The following FBN1 variants were observed in gnomAD, a reference collection of about 807,000 sequenced individuals.
The protein encoded by FBN1 is fibrillin-1.
In FBN1, 29 loss-of-function variants were observed where a neutral mutation model predicts 365.1. That is an observed-to-expected ratio of 0.08 (90% CI 0.06 to 0.11). FBN1 has a LOEUF of 0.11. Ranked by LOEUF, FBN1 falls within the 10% of genes least tolerant of loss-of-function variation. The pLI, the probability that FBN1 is intolerant of heterozygous loss-of-function variation, is 1.00. For missense variants in FBN1, 2,476 were observed against 3,703.2 expected (o/e 0.67, Z 8.60); for synonymous variants, 1,210 against 1,270.5 (o/e 0.95, Z 1.01).
At chr15:48,463,391 C>T (rs2043296125) in intron 41 of FBN1, 151 bp from the exon 42 acceptor site, 1 of 774,014 alleles carries the variant, frequency 1.3e-6, no homozygotes, top group African/African-American at 1.7e-5. Context: ...TGCTCTTACA[C>T]AACTTTCTAG....
intron 6 of FBN1, among the ~76,000 whole-genome samples, chr15:48,541,130 CT>C (rs764590336): frequency 6.6e-6 from 1 of 151,692 alleles, no homozygotes; most frequent in African/African-American, 2.4e-5. Context: ...CCCCTTAAGA[CT>C]TTTCCAGGGT....
intron 31 of FBN1, among the ~76,000 whole-genome samples, chr15:48,483,555 A>T (rs2043482655): frequency 6.6e-6 from 1 of 152,220 alleles, no homozygotes; most frequent in South Asian, 2.1e-4. Context: ...AGTGGACAAA[A>T]GTAATGGATA....
chr15:48,488,877 A>G (rs555150377), intron 25 of FBN1, among the ~76,000 whole-genome samples: 2 of 152,314 alleles, frequency 1.3e-5, no homozygotes, highest in African/African-American at 4.8e-5. Context: ...ACAGCTATCA[A>G]TTGACTGTGT....
At chr15:48,456,607 T>C in intron 44 of FBN1, 30 bp downstream of exon 44, 1 of 1,611,642 alleles carries the variant, frequency 6.2e-7, no homozygotes, top group African/African-American at 1.3e-5. Context: ...AGCTCTTTTC[T>C]GGATATGATA....
At chr15:48,524,559 T>C (rs1008849075) in intron 9 of FBN1, among the ~76,000 whole-genome samples, 1 of 152,152 alleles carries the variant, frequency 6.6e-6, no homozygotes, top group Non-Finnish European at 1.5e-5. Context: ...TGTCTAATTA[T>C]GGGCACAACA....
intron 2 of FBN1, among the ~76,000 whole-genome samples, chr15:48,613,883 G>A (rs368749587): frequency 4.6e-5 from 7 of 152,098 alleles, no homozygotes; most frequent in African/African-American, 1.7e-4. Context: ...AGCTGACATC[G>A]CACCACTGCA....
At chr15:48,444,385 T>G (rs983738101) in intron 49 of FBN1, among the ~76,000 whole-genome samples, 156 bp downstream of exon 49, 5 of 152,226 alleles carry the variant, frequency 3.3e-5, no homozygotes, top group Non-Finnish European at 5.9e-5. Context: ...GTGCTTCTTG[T>G]CTTGCCAGAA....
chr15:48,450,990 C>T (rs764129948), intron 45 of FBN1, among the ~76,000 whole-genome samples: 1 of 152,216 alleles, frequency 6.6e-6, no homozygotes, highest in Non-Finnish European at 1.5e-5. Flanking sequence ...CAAGTTAATT[C>T]CCTTTCTTCT....
At chr15:48,535,873 T>C (rs932879756) in intron 7 of FBN1, among the ~76,000 whole-genome samples, 1 of 152,226 alleles carries the variant, frequency 6.6e-6, no homozygotes, top group Non-Finnish European at 1.5e-5. Flanking sequence ...AATGTATTTT[T>C]TAAAATGTTT....
chr15:48,432,230 T>G (rs1597521820), intron 55 of FBN1, among the ~76,000 whole-genome samples: 1 of 152,266 alleles, frequency 6.6e-6, no homozygotes, highest in East Asian at 1.9e-4. Context: ...TCCCCACCCT[T>G]AAGCAAAATT....
At chr15:48,507,744 TA>T (rs1311525694) in intron 15 of FBN1, among the ~76,000 whole-genome samples, 20 of 152,330 alleles carry the variant, frequency 1.3e-4, no homozygotes, top group African/African-American at 4.8e-4. Context: ...CATCTGAAAC[TA>T]TGCCCAGAAG....
intron 6 of FBN1, among the ~76,000 whole-genome samples, chr15:48,546,437 C>T (rs187421298): frequency 9.2e-5 from 14 of 152,258 alleles, no homozygotes; most frequent in East Asian, 1.9e-4. Flanking sequence ...AACATCTAAG[C>T]GCTTTCTAAG....
In FBN1 at chr15:48,530,075, G is replaced by A. The variant is rs199633759; in HGVS notation, c.863-3820C>T. Among the ~76,000 whole-genome samples, 449 of 72,712 alleles carry A rather than the reference G, an allele frequency of 6.2e-3. 35 individuals are homozygous for A. The East Asian group carries it at 0.1, about 17-fold the overall frequency. 47.7% of individuals were successfully genotyped at this position (72,712 alleles called of 152,430 possible). On this transcript the variant is annotated intron_variant, in intron 8 of 65. Transcript: ENST00000316623. ...AATTCTTATCCATGCTGCATCCGCC[G>A]CCCGATCACAACTTGAAAATGGAGT...
intron 30 of FBN1, among the ~76,000 whole-genome samples, chr15:48,484,420 G>A (rs994753551): frequency 1.3e-5 from 2 of 150,464 alleles, no homozygotes; most frequent in Admixed American, 1.3e-4. Context: ...TCACCAGGCT[G>A]GAGTGCAATG....
At chr15:48,425,249 A>AT in intron 60 of FBN1, 120 bp downstream of exon 60, 1 of 1,361,480 alleles carries the variant, frequency 7.3e-7, no homozygotes, top group East Asian at 2.3e-5. Flanking sequence ...CATTAACCCC[A>AT]GGGAAGCACC....
intron 6 of FBN1, among the ~76,000 whole-genome samples, chr15:48,563,646 C>T (rs929480414): frequency 5.9e-5 from 9 of 152,098 alleles, no homozygotes; most frequent in East Asian, 1.9e-4. Flanking sequence ...TGCAAACGGG[C>T]GCTCCCCATG....
At chr15:48,623,046 C>T (rs1318472982) in intron 2 of FBN1, among the ~76,000 whole-genome samples, 1 of 152,124 alleles carries the variant, frequency 6.6e-6, no homozygotes, top group African/African-American at 2.4e-5. Context: ...TGAAGCCCAA[C>T]CCACCACCCC....
At position 48,598,793 on chromosome 15, in the gene FBN1, T is replaced by C. The variant is rs115143319; in HGVS notation, c.442+1346A>G. On this transcript the variant is annotated intron_variant, in intron 5 of 65. Coordinates refer to ENST00000316623, the MANE Select transcript of FBN1 (RefSeq NM_000138.5). Reference sequence around the variant, plus strand: ...AACCAATATTCTTCTCCCACTGCAGTGTGTGGATGGTGATACAGTTTGGCT... The same window carrying C: ...AACCAATATTCTTCTCCCACTGCAGCGTGTGGATGGTGATACAGTTTGGCT... Among the ~76,000 whole-genome samples, 759 of 152,220 alleles carry C rather than the reference T, an allele frequency of 5.0e-3. 4 individuals are homozygous for C. Among genetic ancestry groups the C allele is most frequent in the African/African-American group, 0.018 (730 of 41,548 alleles).
intron 5 of FBN1, 146 bp from the exon 6 acceptor site, chr15:48,596,524 C>T (rs2044517358): frequency 4.0e-6 from 3 of 741,258 alleles, no homozygotes; most frequent in African/African-American, 1.7e-5. Context: ...GTTACACATA[C>T]TCAGATATTC....
Sources: gnomAD v4.1 joint callset for allele counts (sites outside exome capture counted in the v4.1 genomes callset) on GRCh38, gnomAD v4.1.1 for gene constraint, MANE v1.5 for transcripts, NCBI Gene and HGNC (gene_info 2026-07-23, HGNC 2026-07-21) for gene names.